The following SV2C variants were observed in gnomAD, a reference collection of about 807,000 sequenced individuals.
SV2C encodes the protein synaptic vesicle glycoprotein 2C.
A neutral mutation model predicts 79.7 loss-of-function variants in SV2C; 49 were observed. The ratio of observed to expected loss-of-function variants is 0.61; its 90% CI spans 0.49 to 0.78. The LOEUF (loss-of-function observed/expected upper bound fraction) is 0.78, where lower values mean the gene tolerates loss of function less well. SV2C is among the 30% of genes least tolerant of loss of function. The pLI, the probability that SV2C is intolerant of heterozygous loss-of-function variation, is 0.00. For synonymous variants in SV2C, 334 were observed against 333.2 expected, an observed-to-expected ratio of 1.00 and a Z score of -0.03; for missense variants, 833 against 912.9, an observed-to-expected ratio of 0.91 and a Z score of 1.13.
At chr5:76,014,731 T>C in the SV2C span, among the ~76,000 whole-genome samples, 2 of 152,148 alleles carry the variant, frequency 1.3e-5, no homozygotes, top group African/African-American at 2.4e-5. Context: ...CAGCTTAGGA[T>C]GTTCTGCCTA....
At chr5:76,312,803 A>G (rs939693687) in intron 12 of SV2C, among the ~76,000 whole-genome samples, 2 of 152,172 alleles carry the variant, frequency 1.3e-5, no homozygotes, top group African/African-American at 4.8e-5. Flanking sequence ...GGATTTGAGG[A>G]TCTGATTGTT....
the SV2C span, among the ~76,000 whole-genome samples, chr5:76,047,771 T>C: frequency 2.7e-4 from 40 of 148,508 alleles, no homozygotes; most frequent in Non-Finnish European, 3.4e-4. Flanking sequence ...CTTTTCTTTT[T>C]TTTTTTTTTT....
intron 1 of SV2C, among the ~76,000 whole-genome samples, chr5:76,106,995 T>C (rs997063741): frequency 1.3e-4 from 20 of 152,140 alleles, no homozygotes; most frequent in Non-Finnish European, 1.6e-4. Context: ...TCGTGAGTGT[T>C]AAAAGAATGA....
chr5:76,319,932 C>T (rs935246450), intron 12 of SV2C, among the ~76,000 whole-genome samples: 3 of 152,158 alleles, frequency 2.0e-5, no homozygotes, highest in African/African-American at 7.2e-5. Flanking sequence ...AGGCCATTTT[C>T]CCCGGAAGAA....
At chr5:76,286,983 G>A (rs935685077) in intron 6 of SV2C, among the ~76,000 whole-genome samples, 3 of 152,118 alleles carry the variant, frequency 2.0e-5, no homozygotes, top group African/African-American at 2.4e-5. Flanking sequence ...TCTGGGTGGG[G>A]ACACGGCCAA....
chr5:75,951,817 C>T, the SV2C span, among the ~76,000 whole-genome samples: 1 of 152,030 alleles, frequency 6.6e-6, no homozygotes, highest in African/African-American at 2.4e-5. Flanking sequence ...TTTGCCTTTT[C>T]TGCTCACCAC....
chr5:75,982,244 A>G, the SV2C span, among the ~76,000 whole-genome samples: 1 of 152,002 alleles, frequency 6.6e-6, no homozygotes, highest in Non-Finnish European at 1.5e-5. Context: ...AAAAGAAAAA[A>G]AAAAAGAATT....
intron 12 of SV2C, among the ~76,000 whole-genome samples, chr5:76,315,596 T>C (rs1329301484): frequency 2.0e-5 from 3 of 152,148 alleles, no homozygotes; most frequent in South Asian, 4.1e-4. Context: ...ATGTGCAAGA[T>C]TGGTATAAAC....
At chr5:76,228,509 G>A (rs924580098) in intron 4 of SV2C, among the ~76,000 whole-genome samples, 11 of 152,108 alleles carry the variant, frequency 7.2e-5, no homozygotes, top group South Asian at 2.1e-4. Flanking sequence ...GGAAAAACCC[G>A]TAACGGAGCA....
chr5:76,230,754 A>G (rs1327708970), intron 4 of SV2C, among the ~76,000 whole-genome samples: 1 of 151,938 alleles, frequency 6.6e-6, no homozygotes, highest in Non-Finnish European at 1.5e-5. Flanking sequence ...GCACCACTGC[A>G]CTGCAGCCTG....
At chr5:75,987,307 T>C in the SV2C span, among the ~76,000 whole-genome samples, 1 of 151,938 alleles carries the variant, frequency 6.6e-6, no homozygotes. Flanking sequence ...TAGTATTGGC[T>C]TGTGAAATGT....
intron 2 of SV2C, among the ~76,000 whole-genome samples, chr5:76,194,709 G>A (rs1418134795): frequency 1.3e-5 from 2 of 152,204 alleles, no homozygotes; most frequent in Non-Finnish European, 2.9e-5. Context: ...CATTATTGAT[G>A]TGAGGGTCGT....
At chr5:75,900,977 T>A in the SV2C span, among the ~76,000 whole-genome samples, 1 of 152,226 alleles carries the variant, frequency 6.6e-6, no homozygotes, top group African/African-American at 2.4e-5. Context: ...ATTCTAGTTA[T>A]ACATTTGTCT....
the SV2C span, among the ~76,000 whole-genome samples, chr5:75,959,298 A>G: frequency 6.6e-6 from 1 of 151,958 alleles, no homozygotes; most frequent in African/African-American, 2.4e-5. Context: ...TGCCTGCATA[A>G]AACATCTTCT....
chr5:75,911,040 A>T, the SV2C span: 3 of 1,132,534 alleles, frequency 2.6e-6, no homozygotes, highest in Non-Finnish European at 4.0e-6. Flanking sequence ...TTGAAGAGTG[A>T]GAGTGAATCT....
intron 12 of SV2C, 116 bp from the exon 13 acceptor site, chr5:76,325,248 A>T: frequency 9.4e-7 from 1 of 1,064,930 alleles, no homozygotes; most frequent in Non-Finnish European, 1.4e-6. Flanking sequence ...GATTTGCTCC[A>T]CTGATATACA....
At chr5:76,103,722 A>G (rs1747816801) in intron 1 of SV2C, among the ~76,000 whole-genome samples, 1 of 152,224 alleles carries the variant, frequency 6.6e-6, no homozygotes, top group Non-Finnish European at 1.5e-5. Context: ...TATCTTATTT[A>G]AACCTCACAG....
chr5:76,056,180 T>A, the SV2C span, among the ~76,000 whole-genome samples: 1 of 152,174 alleles, frequency 6.6e-6, no homozygotes, highest in Non-Finnish European at 1.5e-5. Flanking sequence ...CAACACAGTT[T>A]ATTGAGAGTT....
At chr5:75,877,828 C>A in the SV2C span, among the ~76,000 whole-genome samples, 1 of 151,612 alleles carries the variant, frequency 6.6e-6, no homozygotes. Context: ...GAAACCTCAT[C>A]AGCTTCTGTT....
Sources: allele counts gnomAD v4.1 joint callset (sites outside exome capture counted in the v4.1 genomes callset), GRCh38; gene constraint gnomAD v4.1.1; transcripts MANE v1.5; gene names NCBI Gene and HGNC (gene_info 2026-07-23, HGNC 2026-07-21).